Variants in FANCC observed in about 807,000 individuals in gnomAD.
FANCC encodes the protein Fanconi anemia group C protein.
A neutral mutation model predicts 71.3 loss-of-function variants in FANCC; 55 were observed. The observed-to-expected ratio is 0.77, with a 90% CI of 0.62 to 0.97. The LOEUF is 0.97. Ranked by LOEUF, FANCC falls within the 50% of genes least tolerant of loss-of-function variation. FANCC has a pLI of 0.00. For missense variants in FANCC, 678 were observed against 670.9 expected, an observed-to-expected ratio of 1.01 and a Z score of -0.12; for synonymous variants, 275 against 244.9, an observed-to-expected ratio of 1.12 and a Z score of -1.15.
intron 7 of FANCC, among the ~76,000 whole-genome samples, chr9:95,144,516 G>A (rs948768222): frequency 1.3e-5 from 2 of 152,158 alleles, no homozygotes; most frequent in African/African-American, 2.4e-5. Context: ...CTCTGGGCAC[G>A]TCGCCTGGCC....
At chr9:95,292,373 C>CACGGCTCTGGCGGCGGGGTCA in intron 1 of FANCC, 1 of 1,016,474 alleles carries the variant, frequency 9.8e-7, no homozygotes, top group Non-Finnish European at 1.2e-6. Context: ...CGGCGGGGTC[C>CACGGCTCTGGCGGCGGGGTCA]ACGGCTCTGG....
At chr9:95,249,611 T>A (rs1008413923) in intron 1 of FANCC, among the ~76,000 whole-genome samples, 5 of 152,206 alleles carry the variant, frequency 3.3e-5, no homozygotes, top group African/African-American at 1.2e-4. Context: ...AGGCACACGC[T>A]AATTATGCAC....
chr9:95,109,355 C>G (rs142937365), intron 13 of FANCC, among the ~76,000 whole-genome samples: 25 of 152,252 alleles, frequency 1.6e-4, no homozygotes, highest in African/African-American at 6.0e-4. Flanking sequence ...GCTGAATATT[C>G]TTATACATAA....
chr9:95,252,067 C>T (rs1440291725), intron 1 of FANCC, among the ~76,000 whole-genome samples: 1 of 151,806 alleles, frequency 6.6e-6, no homozygotes, highest in Non-Finnish European at 1.5e-5. Flanking sequence ...CACCTGAGGT[C>T]AGGAGTTTGA....
intron 1 of FANCC, among the ~76,000 whole-genome samples, chr9:95,261,775 C>T (rs1411869952): frequency 6.6e-6 from 1 of 152,134 alleles, no homozygotes; most frequent in Non-Finnish European, 1.5e-5. Context: ...AAAGCAAAGT[C>T]GTATGAGCAG....
At chr9:95,116,141 G>T (rs1428937773) in intron 11 of FANCC, among the ~76,000 whole-genome samples, 1 of 152,238 alleles carries the variant, frequency 6.6e-6, no homozygotes, top group African/African-American at 2.4e-5. Context: ...CCACCTCACC[G>T]TTTATTTACT....
At chr9:95,169,107 C>T (rs754247032) in intron 6 of FANCC, among the ~76,000 whole-genome samples, 1 of 152,026 alleles carries the variant, frequency 6.6e-6, no homozygotes, top group Non-Finnish European at 1.5e-5. Flanking sequence ...TTGTAAAGTG[C>T]TTTCTTTAAG....
chr9:95,291,967 A>AAAAAAAAAAT (rs1441757988), intron 1 of FANCC, among the ~76,000 whole-genome samples: 7 of 50,430 alleles, frequency 1.4e-4, no homozygotes, highest in South Asian at 8.5e-4. Flanking sequence ...AAAAAAAAAA[A>AAAAAAAAAAT]ATATATATAT....
rs4647393 is a variant in FANCC, at chr9:95,286,544, A to G, written c.-79+30982T>C. Among the ~76,000 whole-genome samples the G allele has an allele frequency of 4.5e-3, 684 of 152,352 alleles. 8 individuals are homozygous for G. The highest frequency in any genetic ancestry group is 0.015 in the African/African-American group (639 of 41,574). On this transcript the variant is annotated intron_variant, in intron 1 of 14. Transcript: ENST00000289081. The stretch of plus-strand genomic sequence containing the variant: ...GGCTAATGAAAAGATGTAATTTTTA[A>G]TCTTTGAAACATTTTATAGTAGACT...
chr9:95,119,724 T>C (rs1369429936), intron 10 of FANCC, among the ~76,000 whole-genome samples: 3 of 152,034 alleles, frequency 2.0e-5, no homozygotes, highest in Admixed American at 2.0e-4. Context: ...TCCTTTCTTA[T>C]TTTTTGAGAT....
chr9:95,295,987 CAA>C (rs1834350948), intron 1 of FANCC, among the ~76,000 whole-genome samples: 1 of 151,916 alleles, frequency 6.6e-6, no homozygotes, highest in Non-Finnish European at 1.5e-5. Context: ...TTACCATACA[CAA>C]AAAAATAATA....
chr9:95,210,827 T>G (rs1044951878), intron 4 of FANCC, among the ~76,000 whole-genome samples: 4 of 152,198 alleles, frequency 2.6e-5, no homozygotes, highest in African/African-American at 9.6e-5. Flanking sequence ...TATTACAGAA[T>G]GGAGACTCTG....
chr9:95,128,775 A>G (rs1826406167), intron 8 of FANCC, among the ~76,000 whole-genome samples: 2 of 152,164 alleles, frequency 1.3e-5, no homozygotes, highest in South Asian at 4.1e-4. Context: ...TTTCTTTCCA[A>G]ATATTTCAGA....
At chr9:95,247,104 T>C (rs1302878920) in intron 3 of FANCC, among the ~76,000 whole-genome samples, 1 of 152,142 alleles carries the variant, frequency 6.6e-6, no homozygotes, top group Non-Finnish European at 1.5e-5. Flanking sequence ...TAAAATGAAG[T>C]TATGAAAGTG....
At chr9:95,187,215 C>T (rs1826782997) in intron 4 of FANCC, among the ~76,000 whole-genome samples, 2 of 152,188 alleles carry the variant, frequency 1.3e-5, no homozygotes, top group African/African-American at 2.4e-5. Flanking sequence ...ACTCCCAGCA[C>T]GTCTCCCATC....
At chr9:95,182,481 C>T (rs1826437862) in intron 4 of FANCC, among the ~76,000 whole-genome samples, 1 of 152,234 alleles carries the variant, frequency 6.6e-6, no homozygotes, top group South Asian at 2.1e-4. Flanking sequence ...GATCGCGCTA[C>T]TGCACTCCAG....
intron 1 of FANCC, among the ~76,000 whole-genome samples, chr9:95,299,949 T>C (rs1039096480): frequency 6.6e-6 from 1 of 152,182 alleles, no homozygotes; most frequent in Non-Finnish European, 1.5e-5. Context: ...CTATCCATCA[T>C]TGACTGGCAA....
At chr9:95,121,657 C>G (rs1329138090) in intron 10 of FANCC, among the ~76,000 whole-genome samples, 1 of 152,172 alleles carries the variant, frequency 6.6e-6, no homozygotes, top group Non-Finnish European at 1.5e-5. Context: ...ACAGTACTTC[C>G]CCACAGCCAC....
chr9:95,187,944 G>A (rs1177977345), intron 4 of FANCC, among the ~76,000 whole-genome samples: 3 of 151,364 alleles, frequency 2.0e-5, no homozygotes, highest in African/African-American at 7.2e-5. Flanking sequence ...TAGGTTCAAT[G>A]AGTAGTTCTG....
Sources: gnomAD v4.1 joint callset for allele counts (sites outside exome capture counted in the v4.1 genomes callset) on GRCh38, gnomAD v4.1.1 for gene constraint, MANE v1.5 for transcripts, NCBI Gene and HGNC (gene_info 2026-07-23, HGNC 2026-07-21) for gene names.